XK: variants seen among roughly 807,000 people sequenced by gnomAD.
XK encodes endoplasmic reticulum membrane adapter protein XK.
In XK, 2 loss-of-function variants were observed where a neutral mutation model predicts 14.0. The ratio of observed to expected loss-of-function variants is 0.14; its 90% CI spans 0.06 to 0.45. The LOEUF is 0.45. XK is among the 20% of genes least tolerant of loss of function. XK has a pLI of 0.98. For synonymous variants in XK, 149 were observed against 147.5 expected (o/e 1.01, Z -0.08); for missense variants, 235 against 341.5 (o/e 0.69, Z 2.46).
intron 2 of XK, among the ~76,000 whole-genome samples, chrX:37,699,628 T>C (rs782037644): frequency 8.9e-6 from 1 of 112,476 alleles, no homozygotes; most frequent in African/African-American, 3.2e-5. Context: ...AATACAAAGC[T>C]AGAATCAGAG....
At chrX:37,721,237 A>G (rs1927864265) in intron 2 of XK, among the ~76,000 whole-genome samples, 1 of 111,273 alleles carries the variant, frequency 9.0e-6, no homozygotes, top group African/African-American at 3.3e-5. Context: ...TCATTATGGC[A>G]TTAATTTGCA....
intron 2 of XK, among the ~76,000 whole-genome samples, chrX:37,710,858 C>T (rs1190287688): frequency 2.7e-5 from 3 of 111,761 alleles, no homozygotes; most frequent in East Asian, 5.6e-4. Context: ...GCAACAACAA[C>T]AGGAGTTACA....
At chrX:37,715,886 AG>A (rs1321804674) in intron 2 of XK, among the ~76,000 whole-genome samples, 1 of 111,328 alleles carries the variant, frequency 9.0e-6, no homozygotes, top group Non-Finnish European at 1.9e-5. Context: ...CAAATGGGCC[AG>A]GGGGGAGAAT....
At chrX:37,717,766 G>A (rs1447613141) in intron 2 of XK, among the ~76,000 whole-genome samples, 3 of 111,971 alleles carry the variant, frequency 2.7e-5, no homozygotes, top group African/African-American at 6.5e-5. Context: ...ACTGGCAGAT[G>A]TTCAAGAGAG....
At position 37,730,375 on chromosome X, in the gene XK, T is replaced by C. The variant is rs1602160031; in HGVS notation, c.*1913T>C. The C allele has an allele frequency of 8.9e-6, 1 of 112,617 alleles. No homozygotes were observed. Among genetic ancestry groups the C allele is most frequent in the East Asian group, 2.8e-4 (1 of 3,582 alleles). 9.3% of individuals were successfully genotyped at this position (112,617 alleles called of 1,213,427 possible). On this transcript the variant is annotated 3_prime_UTR_variant, in exon 3 of 3. Transcript: ENST00000378616. ...ATTACATAAAACACCCTTGAAAATA[T>C]ATGACTTTGAATAAAATAAAGCTAC...
intron 2 of XK, among the ~76,000 whole-genome samples, chrX:37,716,467 G>A (rs782292497): frequency 2.1e-4 from 24 of 112,087 alleles, no homozygotes; most frequent in African/African-American, 7.1e-4. Context: ...GTAAGAATGT[G>A]CATGCAAATA....
chrX:37,705,309 G>A (rs957264974), intron 2 of XK, among the ~76,000 whole-genome samples: 6 of 110,047 alleles, frequency 5.5e-5, no homozygotes, highest in East Asian at 2.8e-4. Context: ...AAAATTAGCC[G>A]GGCGTGGTGG....
intron 2 of XK, among the ~76,000 whole-genome samples, chrX:37,707,552 G>A (rs1242835893): frequency 9.3e-6 from 1 of 106,958 alleles, no homozygotes; most frequent in African/African-American, 3.5e-5. Flanking sequence ...GGGCGGAGGG[G>A]CTCCTCACTT....
chrX:37,707,858 T>G (rs969442506), intron 2 of XK, among the ~76,000 whole-genome samples: 1 of 112,085 alleles, frequency 8.9e-6, no homozygotes, highest in South Asian at 3.7e-4. Context: ...GGCAGGCGGC[T>G]GGGAGGTGGA....
chrX:37,705,264 T>C (rs1189641672), intron 2 of XK, among the ~76,000 whole-genome samples: 2 of 105,428 alleles, frequency 1.9e-5, no homozygotes, highest in Admixed American at 1.0e-4. Context: ...GCTAACATGG[T>C]GAAACCCCGT....
At chrX:37,721,765 C>T (rs1556449000) in intron 2 of XK, among the ~76,000 whole-genome samples, 1 of 111,768 alleles carries the variant, frequency 8.9e-6, no homozygotes, top group East Asian at 2.8e-4. Flanking sequence ...CATAACAGCA[C>T]TATTCACAAT....
At chrX:37,693,926 T>C (rs1282324547) in intron 1 of XK, among the ~76,000 whole-genome samples, 4 of 112,285 alleles carry the variant, frequency 3.6e-5, no homozygotes, top group African/African-American at 1.3e-4. Context: ...GGGGTGGGGA[T>C]AGTAGGTGAC....
intron 2 of XK, among the ~76,000 whole-genome samples, chrX:37,703,902 C>CCAGA (rs782444763): frequency 7.2e-4 from 81 of 112,449 alleles, no homozygotes; most frequent in African/African-American, 2.5e-3. Context: ...TTGGGTAAGG[C>CCAGA]CAGACAGGTC....
At position 37,706,213 on chromosome X, in the gene XK, A is replaced by C. The variant is rs1291881513; in HGVS notation, c.508+11665A>C. Among the ~76,000 whole-genome samples, 15 of 111,629 alleles carry C rather than the reference A, an allele frequency of 1.3e-4. No homozygotes were observed. The Admixed American group carries it at 1.4e-3, about 11-fold the overall frequency. ...AAAATTGCTAGAAGATTTGAGAATT[A>C]AGTTAGGATCATGAGTGACTGAGTA... On this transcript the variant is annotated intron_variant, in intron 2 of 2. Transcript: ENST00000378616.
intron 2 of XK, among the ~76,000 whole-genome samples, chrX:37,706,529 CT>C (rs1927528725): frequency 9.0e-6 from 1 of 110,789 alleles, no homozygotes; most frequent in Non-Finnish European, 1.9e-5. Flanking sequence ...GCAAAGGGAA[CT>C]TTGCAGATAA....
At chrX:37,710,532 A>T (rs1217162011) in intron 2 of XK, among the ~76,000 whole-genome samples, 1 of 111,844 alleles carries the variant, frequency 8.9e-6, no homozygotes, top group Non-Finnish European at 1.9e-5. Context: ...GTGGTGGCTC[A>T]CACCTGTAAT....
chrX:37,687,008 A>G (rs1165447222), intron 1 of XK, among the ~76,000 whole-genome samples: 1 of 111,492 alleles, frequency 9.0e-6, no homozygotes, highest in Non-Finnish European at 1.9e-5. Flanking sequence ...TTTCATCACT[A>G]TAGGAAAAGC....
intron 2 of XK, among the ~76,000 whole-genome samples, chrX:37,712,946 C>G (rs781804473): frequency 1.8e-5 from 2 of 111,996 alleles, no homozygotes; most frequent in Non-Finnish European, 3.8e-5. Flanking sequence ...GACTAACTTA[C>G]TAGCACAACA....
intron 1 of XK, 42 bp from the exon 2 acceptor site, chrX:37,694,244 C>T (rs376899495): frequency 3.7e-5 from 44 of 1,205,268 alleles, no homozygotes; most frequent in Non-Finnish European, 4.3e-5. Context: ...AGTCAGAATC[C>T]TGTCTGTCTC....
Sources: gnomAD v4.1 joint callset for allele counts (sites outside exome capture counted in the v4.1 genomes callset) on GRCh38, gnomAD v4.1.1 for gene constraint, MANE v1.5 for transcripts, NCBI Gene and HGNC (gene_info 2026-07-23, HGNC 2026-07-21) for gene names.